Variants in UST observed in about 807,000 individuals in gnomAD.
UST encodes the protein chondroitin sulfate 2-O-sulfotransferase.
In UST, 21 loss-of-function variants were observed where a neutral mutation model predicts 45.6. That is an observed-to-expected ratio of 0.46 (90% CI 0.33 to 0.66). The LOEUF (loss-of-function observed/expected upper bound fraction) is 0.66, where lower values mean the gene tolerates loss of function less well. Among genes scored for constraint, UST ranks in the 30% least tolerant of loss-of-function variants. UST has a pLI of 0.02. For missense variants in UST, 463 were observed against 512.4 expected, an observed-to-expected ratio of 0.90 and a Z score of 0.93; for synonymous variants, 215 against 200.6, an observed-to-expected ratio of 1.07 and a Z score of -0.61.
chr6:149,000,205 C>T (rs971723469), intron 5 of UST, among the ~76,000 whole-genome samples: 4 of 152,212 alleles, frequency 2.6e-5, no homozygotes, highest in African/African-American at 9.6e-5. Flanking sequence ...AGCAACTGCT[C>T]ATCTTCTGCC....
chr6:148,984,353 G>A (rs529792107), intron 5 of UST, among the ~76,000 whole-genome samples: 1 of 152,274 alleles, frequency 6.6e-6, no homozygotes, highest in Admixed American at 6.5e-5. Context: ...AGGGTCCCAA[G>A]TACTGCAAGA....
At chr6:148,858,671 G>C (rs1467829657) in intron 1 of UST, among the ~76,000 whole-genome samples, 1 of 151,546 alleles carries the variant, frequency 6.6e-6, no homozygotes, top group African/African-American at 2.4e-5. Flanking sequence ...CAACAGGCCC[G>C]GGCGTGTGAT....
At chr6:149,007,175 A>G (rs2115009538) in intron 5 of UST, among the ~76,000 whole-genome samples, 1 of 130,196 alleles carries the variant, frequency 7.7e-6, no homozygotes, top group Non-Finnish European at 1.5e-5. Context: ...GCTGGAGTGC[A>G]GTGGTGTGGT....
At chr6:148,922,451 G>A (rs1779728152) in intron 2 of UST, among the ~76,000 whole-genome samples, 1 of 151,648 alleles carries the variant, frequency 6.6e-6, no homozygotes, top group Non-Finnish European at 1.5e-5. Flanking sequence ...TTCTATGGCA[G>A]AATACTATTC....
chr6:148,777,655 C>T (rs991188244), intron 1 of UST, among the ~76,000 whole-genome samples: 2 of 152,226 alleles, frequency 1.3e-5, no homozygotes, highest in African/African-American at 4.8e-5. Context: ...AGTGACTCTC[C>T]TGCCTCAGCC....
At chr6:149,005,790 G>A (rs1775674806) in intron 5 of UST, among the ~76,000 whole-genome samples, 1 of 152,214 alleles carries the variant, frequency 6.6e-6, no homozygotes, top group Admixed American at 6.5e-5. Context: ...TTTGATGGAT[G>A]GGAATCAGAG....
chr6:148,760,834 G>A (rs1776203967), intron 1 of UST, among the ~76,000 whole-genome samples: 1 of 152,134 alleles, frequency 6.6e-6, no homozygotes, highest in Non-Finnish European at 1.5e-5. Flanking sequence ...CAACTCACGA[G>A]ATAAATGGGC....
intron 5 of UST, among the ~76,000 whole-genome samples, chr6:148,993,378 GA>G (rs11295482): frequency 0.25 from 37,771 of 149,886 alleles, 4,745 homozygotes; most frequent in South Asian, 0.33. Flanking sequence ...TACTCTTTTT[GA>G]AAAAAAAAAA....
In UST at chr6:148,771,770, C is replaced by T. The variant is rs182947015; in HGVS notation, c.247+24093C>T. Among the ~76,000 whole-genome samples, 876 of 152,296 alleles carry T rather than the reference C, an allele frequency of 5.8e-3. 11 individuals are homozygous for T. Among genetic ancestry groups the T allele is most frequent in the African/African-American group, 0.02 (820 of 41,552 alleles). ...TATATGTTTACTAAGGTAATTATAA[C>T]ATGTACCTGAAATGAGAGAGTTTTT... On this transcript the variant is annotated intron_variant, in intron 1 of 7. Transcript: ENST00000367463.
intron 4 of UST, among the ~76,000 whole-genome samples, chr6:148,954,718 G>C (rs1310997666): frequency 6.6e-6 from 1 of 152,194 alleles, no homozygotes; most frequent in African/African-American, 2.4e-5. Context: ...TAAGCAATGC[G>C]TGACTGTAAA....
intron 1 of UST, among the ~76,000 whole-genome samples, chr6:148,838,445 A>G (rs1359869728): frequency 6.6e-6 from 1 of 152,228 alleles, no homozygotes; most frequent in Non-Finnish European, 1.5e-5. Context: ...CCAATCACCT[A>G]GGGACTTCAG....
chr6:148,911,055 C>T (rs1779464796), intron 2 of UST, among the ~76,000 whole-genome samples: 1 of 152,178 alleles, frequency 6.6e-6, no homozygotes, highest in African/African-American at 2.4e-5. Flanking sequence ...AATTGGCTGG[C>T]CCTGACCCCT....
rs72317889 is a variant in UST at position 148,878,227 on chromosome 6, G to GTCGTGTATGAGTGCGGAGA, written c.248-8727_248-8709dup. Among the ~76,000 whole-genome samples the GTCGTGTATGAGTGCGGAGA allele has an allele frequency of 4.2e-3, 405 of 95,770 alleles. 15 individuals carry two copies. Among genetic ancestry groups the GTCGTGTATGAGTGCGGAGA allele is most frequent in the Non-Finnish European group, 6.5e-3 (305 of 47,006 alleles). 62.8% of individuals were successfully genotyped at this position (95,770 alleles called of 152,430 possible). On this transcript the variant is annotated intron_variant, in intron 1 of 7. Transcript: ENST00000367463. The stretch of plus-strand genomic sequence containing the variant: ...TGAGGGATCATGTAAGAGTGCGGGG[G>GTCGTGTATGAGTGCGGAGA]TCGTGTATGAGTGCGGAGATCGTGT...
At chr6:148,993,523 AC>A (rs960911288) in intron 5 of UST, among the ~76,000 whole-genome samples, 1 of 152,210 alleles carries the variant, frequency 6.6e-6, no homozygotes, top group African/African-American at 2.4e-5. Flanking sequence ...GACTTGTGTG[AC>A]TTACTAAAGG....
chr6:148,765,128 C>A (rs1237799210), intron 1 of UST, among the ~76,000 whole-genome samples: 1 of 152,182 alleles, frequency 6.6e-6, no homozygotes, highest in African/African-American at 2.4e-5. Context: ...CTCCCTTGTT[C>A]CCTGAAAATC....
At chr6:148,771,438 T>A (rs573920758) in intron 1 of UST, among the ~76,000 whole-genome samples, 1 of 152,334 alleles carries the variant, frequency 6.6e-6, no homozygotes, top group East Asian at 1.9e-4. Context: ...CACCCTGTTC[T>A]GCCACCTGCT....
At chr6:148,798,981 T>C (rs1777003197) in intron 1 of UST, among the ~76,000 whole-genome samples, 1 of 152,170 alleles carries the variant, frequency 6.6e-6, no homozygotes, top group African/African-American at 2.4e-5. Flanking sequence ...GCGATTCTCC[T>C]GCGTTGGCTT....
intron 1 of UST, among the ~76,000 whole-genome samples, chr6:148,827,671 A>G (rs1336297493): frequency 4.6e-5 from 7 of 150,642 alleles, no homozygotes; most frequent in African/African-American, 1.7e-4. Context: ...CAGTGAGAAT[A>G]TTAGTCATGA....
At chr6:148,823,584 C>T (rs1032112445) in intron 1 of UST, among the ~76,000 whole-genome samples, 1 of 152,168 alleles carries the variant, frequency 6.6e-6, no homozygotes, top group Non-Finnish European at 1.5e-5. Flanking sequence ...TCCTTTTCAT[C>T]ATTAAGTTGA....
Sources: gnomAD v4.1 joint callset for allele counts (sites outside exome capture counted in the v4.1 genomes callset) on GRCh38, gnomAD v4.1.1 for gene constraint, MANE v1.5 for transcripts, NCBI Gene and HGNC (gene_info 2026-07-23, HGNC 2026-07-21) for gene names.